The following FBXO17 variants were observed in gnomAD, a reference collection of about 807,000 sequenced individuals.
The protein encoded by FBXO17 is F-box only protein 17.
In FBXO17, 43 loss-of-function variants were observed where a neutral mutation model predicts 34.1. That is an observed-to-expected ratio of 1.26 (90% CI 0.99 to 1.62). The LOEUF is 1.62. Among genes scored for constraint, FBXO17 ranks in the 40% most tolerant of loss-of-function variants. The pLI is 0.00. For missense variants in FBXO17, 424 were observed against 386.7 expected, an observed-to-expected ratio of 1.10 and a Z score of -0.81; for synonymous variants, 169 against 166.0, an observed-to-expected ratio of 1.02 and a Z score of -0.14.
At chr19:38,945,268 G>T in intron 4 of FBXO17, 164 bp from the exon 5 acceptor site, 2 of 921,500 alleles carry the variant, frequency 2.2e-6, no homozygotes, top group Non-Finnish European at 3.2e-6. Context: ...AGCCTTGGTG[G>T]TTCTGGGGTG....
chr19:38,960,065 G>C (rs892786811), intron 1 of FBXO17, among the ~76,000 whole-genome samples: 1 of 152,216 alleles, frequency 6.6e-6, no homozygotes, highest in African/African-American at 2.4e-5. Context: ...AACAAAAGAT[G>C]TTACTATTTT....
chr19:38,961,339 G>C (rs1975247751), intron 1 of FBXO17, among the ~76,000 whole-genome samples: 1 of 146,976 alleles, frequency 6.8e-6, no homozygotes, highest in South Asian at 2.1e-4. Context: ...GCAGTAGCAT[G>C]ATCTCAGCTC....
intron 1 of FBXO17, among the ~76,000 whole-genome samples, chr19:38,953,554 G>A (rs1391596421): frequency 1.3e-5 from 2 of 151,882 alleles, no homozygotes; most frequent in African/African-American, 2.4e-5. Context: ...CCAGCTACTC[G>A]GGAGGCCAAG....
intron 1 of FBXO17, among the ~76,000 whole-genome samples, chr19:38,969,311 C>T (rs980145686): frequency 2.6e-5 from 4 of 151,322 alleles, no homozygotes; most frequent in Admixed American, 1.3e-4. Flanking sequence ...GGCATGGTGG[C>T]GTGTGTGTGT....
intron 3 of FBXO17, chr19:38,946,883 C>T (rs1041361340): frequency 3.0e-6 from 1 of 334,706 alleles, no homozygotes; most frequent in Non-Finnish European, 5.6e-6. Flanking sequence ...GCTCTGTGGC[C>T]TCCTAAAGTG....
chr19:38,952,316 C>T (rs565078575), intron 1 of FBXO17, among the ~76,000 whole-genome samples: 19 of 152,186 alleles, frequency 1.2e-4, no homozygotes, highest in Non-Finnish European at 2.1e-4. Flanking sequence ...AAACCCACTG[C>T]GGAAGAAACC....
chr19:38,970,302 G>A (rs147975872), intron 1 of FBXO17, among the ~76,000 whole-genome samples: 4 of 152,068 alleles, frequency 2.6e-5, no homozygotes, highest in African/African-American at 9.6e-5. Context: ...CCAATTTCTG[G>A]ACTAAATCGA....
intron 4 of FBXO17, chr19:38,945,925 A>G: frequency 5.6e-6 from 1 of 178,776 alleles, no homozygotes; most frequent in Non-Finnish European, 1.2e-5. Flanking sequence ...GGGAAGAACC[A>G]CAATGCAGGG....
In FBXO17 at chr19:38,960,669, C is replaced by T. The variant is rs575280756; in HGVS notation, c.-17-10333G>A. On this transcript the variant is annotated intron_variant, in intron 1 of 5. Coordinates refer to ENST00000292852, the MANE Select transcript of FBXO17 (RefSeq NM_024907.7). ...GATTACAGGTGCGTGCCACCCACACCGGCTAATTTTTGTATTTTTAGTGAA... is the reference window on the plus strand; with the variant it reads ...GATTACAGGTGCGTGCCACCCACACTGGCTAATTTTTGTATTTTTAGTGAA... Among the ~76,000 whole-genome samples the T allele has an allele frequency of 6.7e-4, 101 of 150,224 alleles. 1 individual carries two copies. The highest frequency in any genetic ancestry group is 9.4e-4 in the Admixed American group (14 of 14,944).
chr19:38,942,870 G>T, intron 5 of FBXO17, 119 bp from the exon 6 acceptor site: 1 of 1,257,432 alleles, frequency 8.0e-7, no homozygotes, highest in South Asian at 1.6e-5. Flanking sequence ...TGCTGGGGAC[G>T]GAGCAGTGAA....
chr19:38,948,969 G>A (rs1297179752), intron 2 of FBXO17, among the ~76,000 whole-genome samples: 1 of 152,102 alleles, frequency 6.6e-6, no homozygotes, highest in African/African-American at 2.4e-5. Context: ...TCACTCTGTC[G>A]CCCAGGCTGG....
intron 1 of FBXO17, among the ~76,000 whole-genome samples, chr19:38,961,338 T>C (rs1374070026): frequency 6.7e-6 from 1 of 149,912 alleles, no homozygotes; most frequent in African/African-American, 2.4e-5. Flanking sequence ...TGCAGTAGCA[T>C]GATCTCAGCT....
intron 1 of FBXO17, among the ~76,000 whole-genome samples, chr19:38,965,528 T>C (rs570911644): frequency 6.6e-6 from 1 of 151,702 alleles, no homozygotes; most frequent in South Asian, 2.1e-4. Context: ...ATTTTTGAGA[T>C]GGAGTTTTGC....
intron 4 of FBXO17, chr19:38,945,354 T>C (rs1039051825): frequency 2.0e-6 from 1 of 506,582 alleles, no homozygotes; most frequent in South Asian, 2.2e-5. Context: ...TGGGTGGTCC[T>C]GGGGTGGAGC....
chr19:38,954,729 GCCA>G (rs1975138331), intron 1 of FBXO17, among the ~76,000 whole-genome samples: 1 of 146,178 alleles, frequency 6.8e-6, no homozygotes, highest in Non-Finnish European at 1.5e-5. Context: ...ATAGGCGCCC[GCCA>G]CCACACCTGG....
intron 1 of FBXO17, among the ~76,000 whole-genome samples, chr19:38,965,774 T>C (rs1975311903): frequency 6.6e-6 from 1 of 152,106 alleles, no homozygotes; most frequent in South Asian, 2.1e-4. Context: ...CCCAAAGTGC[T>C]GGGATTACAG....
intron 3 of FBXO17, 77 bp downstream of exon 3, chr19:38,948,490 G>A (rs567651097): frequency 2.8e-6 from 3 of 1,075,194 alleles, no homozygotes; most frequent in East Asian, 4.8e-5. Context: ...GTGACGATGA[G>A]GACAGTGTGG....
At chr19:38,955,080 A>G (rs1428058611) in intron 1 of FBXO17, among the ~76,000 whole-genome samples, 27 of 151,254 alleles carry the variant, frequency 1.8e-4, no homozygotes, top group Non-Finnish European at 2.7e-4. Flanking sequence ...ACAGGCGCCC[A>G]CCACCATGCC....
At chr19:38,962,635 C>T (rs1017139615) in intron 1 of FBXO17, among the ~76,000 whole-genome samples, 2 of 152,138 alleles carry the variant, frequency 1.3e-5, no homozygotes, top group South Asian at 2.1e-4. Flanking sequence ...CAGCCTGGGG[C>T]TCTCATCTTT....
Sources: allele counts gnomAD v4.1 joint callset (sites outside exome capture counted in the v4.1 genomes callset), GRCh38; gene constraint gnomAD v4.1.1; transcripts MANE v1.5; gene names NCBI Gene and HGNC (gene_info 2026-07-23, HGNC 2026-07-21).